Variants in FBXL2 observed in about 807,000 individuals in gnomAD.
FBXL2 encodes the protein F-box and leucine rich repeat protein 2.
Under a neutral mutation model 69.2 loss-of-function variants are expected in FBXL2, and 38 were observed. The ratio of observed to expected loss-of-function variants is 0.55; its 90% CI spans 0.42 to 0.72. The LOEUF (loss-of-function observed/expected upper bound fraction) is 0.72, where lower values mean the gene tolerates loss of function less well. Among genes scored for constraint, FBXL2 ranks in the 30% least tolerant of loss-of-function variants. The pLI is 0.00. For synonymous variants in FBXL2, 192 were observed against 201.3 expected, an observed-to-expected ratio of 0.95 and a Z score of 0.39; for missense variants, 354 against 520.3, an observed-to-expected ratio of 0.68 and a Z score of 3.11.
chr3:33,387,931 A>T lies in FBXL2; in HGVS notation c.*2323A>T, dbSNP rs1313337203. 1 of 152,086 alleles carries T rather than the reference A, an allele frequency of 6.6e-6. No homozygotes were observed. The highest frequency in any genetic ancestry group is 6.6e-5 in the Admixed American group (1 of 15,258). The allele number at this position is 152,086 out of a possible 1,614,324, so 9.4% of individuals were successfully genotyped here. On this transcript the variant is annotated 3_prime_UTR_variant, in exon 15 of 15. Coordinates refer to ENST00000484457, the MANE Select transcript of FBXL2 (RefSeq NM_012157.5). ...AAAATACAAAAAAAATTAGCCGGGCATAGTGGCGGGTGCCTGTAGTCCCAG... is the reference window on the plus strand; with the variant it reads ...AAAATACAAAAAAAATTAGCCGGGCTTAGTGGCGGGTGCCTGTAGTCCCAG...
the FBXL2 span, among the ~76,000 whole-genome samples, chr3:33,414,648 A>C: frequency 6.6e-6 from 1 of 152,202 alleles, no homozygotes; most frequent in Admixed American, 6.5e-5. Context: ...AGCTAAAAAA[A>C]GGATGTAATT....
intron 2 of FBXL2, among the ~76,000 whole-genome samples, chr3:33,348,837 C>T (rs947514242): frequency 6.6e-6 from 1 of 152,022 alleles, no homozygotes; most frequent in East Asian, 1.9e-4. Flanking sequence ...CACTTCTTTG[C>T]CTGATTCCTT....
chr3:33,385,999 G>T lies in FBXL2; in HGVS notation c.*391G>T. On this transcript the variant is annotated 3_prime_UTR_variant, in exon 15 of 15. Transcript: ENST00000484457. ...AAAATAAGCTGTTGATTTTCTACCT[G>T]ATACTTAAGCCAGTGGCCTACTTTA... 5.3e-6 allele frequency: 1 copy of T among 188,788 alleles called. No homozygotes were observed. Among genetic ancestry groups the T allele is most frequent in the Non-Finnish European group, 1.1e-5 (1 of 89,398 alleles). The allele number at this position is 188,788 out of a possible 1,614,324, so 11.7% of individuals were successfully genotyped here.
intron 12 of FBXL2, 57 bp from the exon 13 acceptor site, chr3:33,378,628 G>A: frequency 6.5e-7 from 1 of 1,542,356 alleles, no homozygotes; most frequent in Non-Finnish European, 8.8e-7. Context: ...GAGAAGCCAG[G>A]ATTAGGTATT....
chr3:33,297,884 G>A (rs1237042667), intron 2 of FBXL2, 159 bp downstream of exon 2: 1 of 665,222 alleles, frequency 1.5e-6, no homozygotes, highest in Non-Finnish European at 2.8e-6. Flanking sequence ...TGTTCAGCTT[G>A]TTGTTAAATT....
chr3:33,377,388 A>G (rs1242466857), intron 11 of FBXL2, 55 bp downstream of exon 11: 28 of 1,569,042 alleles, frequency 1.8e-5, no homozygotes, highest in Non-Finnish European at 2.4e-5. Context: ...CCCGAATTCA[A>G]AGTGACTTGG....
At chr3:33,407,748 G>A (rs1026654872), downstream of FBXL2, among the ~76,000 whole-genome samples, 1 of 152,216 alleles carries the variant, frequency 6.6e-6, no homozygotes, top group Non-Finnish European at 1.5e-5. Context: ...ATTGCGATAT[G>A]TGTAAGAATG....
chr3:33,278,385 C>CT (rs2033562109), intron 1 of FBXL2: 1 of 152,150 alleles, frequency 6.6e-6, no homozygotes, highest in Non-Finnish European at 1.5e-5. Context: ...GTATAGAATA[C>CT]TTGAGGAGGT....
At chr3:33,397,255 C>CGTG in intron 12 of FBXL2, 1 of 674,196 alleles carries the variant, frequency 1.5e-6, no homozygotes, top group Non-Finnish European at 2.4e-6. Flanking sequence ...TGAATACACA[C>CGTG]ATACACATGA....
At chr3:33,397,049 A>G in intron 12 of FBXL2, 1 of 1,590,528 alleles carries the variant, frequency 6.3e-7, no homozygotes, top group Non-Finnish European at 8.5e-7. Context: ...TTTTACCTTG[A>G]CTTCAGTGAA....
chr3:33,372,741 G>T (rs1031242379), intron 5 of FBXL2: 1 of 363,156 alleles, frequency 2.8e-6, no homozygotes, highest in African/African-American at 2.1e-5. Context: ...TGATTTTTTT[G>T]TAGAGCGGAG....
chr3:33,286,997 A>G (rs1271480595), intron 1 of FBXL2, among the ~76,000 whole-genome samples: 1 of 152,142 alleles, frequency 6.6e-6, no homozygotes, highest in Non-Finnish European at 1.5e-5. Context: ...AGGTGAGGCA[A>G]TGCCCCACCC....
At chr3:33,407,938 G>A (rs1179944278), downstream of FBXL2, among the ~76,000 whole-genome samples, 4 of 152,194 alleles carry the variant, frequency 2.6e-5, no homozygotes, top group Admixed American at 2.0e-4. Context: ...AATAGATGAA[G>A]AGTCATGTCA....
chr3:33,397,649 A>G (rs2044058488), intron 12 of FBXL2: 1 of 152,196 alleles, frequency 6.6e-6, no homozygotes, highest in South Asian at 2.1e-4. Flanking sequence ...AAAGTCAAAC[A>G]TGTTAAATTT....
intron 1 of FBXL2, among the ~76,000 whole-genome samples, chr3:33,290,372 G>A (rs527816323): frequency 3.9e-5 from 6 of 152,242 alleles, no homozygotes; most frequent in Admixed American, 3.9e-4. Context: ...TCTTTTATAC[G>A]CAGTATCTGG....
intron 12 of FBXL2, chr3:33,400,904 A>G (rs2044201788): frequency 1.3e-6 from 2 of 1,544,214 alleles, no homozygotes; most frequent in African/African-American, 2.8e-5. Context: ...ACAAAAACCA[A>G]AACTTTAAAA....
At chr3:33,302,602 G>C (rs1262286300) in intron 2 of FBXL2, among the ~76,000 whole-genome samples, 3 of 152,192 alleles carry the variant, frequency 2.0e-5, no homozygotes, top group Non-Finnish European at 2.9e-5. Flanking sequence ...AAAACATCCT[G>C]AGGAGACAAA....
intron 2 of FBXL2, among the ~76,000 whole-genome samples, chr3:33,346,875 A>G (rs2040480844): frequency 6.6e-6 from 1 of 152,182 alleles, no homozygotes; most frequent in Admixed American, 6.5e-5. Flanking sequence ...TTTATGGGGT[A>G]TATGAGATAC....
Position 33,326,164 on chromosome 3 carries a change from C to G in FBXL2, c.65+28439C>G, listed in dbSNP as rs184419594. ...CTGAGATAACAAATGTAAATAGTGT[C>G]TATACTTCTTAGTTGAATTCTTTGA... is the stretch of plus-strand genomic sequence containing the variant. On this transcript the variant is annotated intron_variant, in intron 2 of 14. Coordinates refer to ENST00000484457, the MANE Select transcript of FBXL2 (RefSeq NM_012157.5). Among the ~76,000 whole-genome samples the G allele has an allele frequency of 1.3e-4, 20 of 152,286 alleles. No individual in the cohort carries two copies. The East Asian group carries it at 2.1e-3, about 16-fold the overall frequency.
Sources: gnomAD v4.1 joint callset for allele counts (sites outside exome capture counted in the v4.1 genomes callset) on GRCh38, gnomAD v4.1.1 for gene constraint, MANE v1.5 for transcripts, NCBI Gene and HGNC (gene_info 2026-07-23, HGNC 2026-07-21) for gene names.